The following ASH1L variants were observed in gnomAD, a reference collection of about 807,000 sequenced individuals.
ASH1L encodes the protein histone-lysine N-methyltransferase ASH1L.
A neutral mutation model predicts 269.0 loss-of-function variants in ASH1L; 23 were observed. That is an observed-to-expected ratio of 0.09 (90% confidence interval 0.06 to 0.12). The LOEUF is 0.12. ASH1L is among the 10% of genes least tolerant of loss of function. The pLI, the probability that ASH1L is intolerant of heterozygous loss-of-function variation, is 1.00. For missense variants in ASH1L, 2,912 were observed against 3,567.8 expected (o/e 0.82, Z 4.68); for synonymous variants, 1,187 against 1,253.5 (o/e 0.95, Z 1.12).
intron 3 of ASH1L, among the ~76,000 whole-genome samples, chr1:155,473,960 C>G (rs573152800): frequency 2.6e-5 from 4 of 152,200 alleles, no homozygotes; most frequent in Non-Finnish European, 5.9e-5. Context: ...CTCAGCCTCC[C>G]GAGTAGCTGA....
At chr1:155,496,322 ACC>A in intron 2 of ASH1L, among the ~76,000 whole-genome samples, 1 of 152,242 alleles carries the variant, frequency 6.6e-6, no homozygotes, top group Non-Finnish European at 1.5e-5. Context: ...TTATGGGACC[ACC>A]AAAATGTGAT....
At chr1:155,558,654 T>C (rs1671760937) in intron 1 of ASH1L, among the ~76,000 whole-genome samples, 1 of 150,982 alleles carries the variant, frequency 6.6e-6, no homozygotes, top group African/African-American at 2.5e-5. Flanking sequence ...GTAATTCCCC[T>C]GTCTCAGCCT....
intron 18 of ASH1L, 21 bp downstream of exon 18, chr1:155,349,521 T>G (rs1191668754): frequency 1.2e-6 from 2 of 1,613,806 alleles, no homozygotes; most frequent in Non-Finnish European, 1.7e-6. Flanking sequence ...ACTCAGATGA[T>G]TCCCACAAAT....
chr1:155,479,377 TAGG>T lies in ASH1L; in HGVS notation c.3490_3492del (p.Pro1164del), dbSNP rs764625034. On this transcript the variant is annotated inframe_deletion, in exon 3 of 28. Coordinates refer to ENST00000392403, the MANE Select transcript of ASH1L (RefSeq NM_018489.3). ...TGCGAAGGAGAATTTGGCAACAAAG[TAGG>T]AGGAGATAACCGCCTCCTCCCCTTT... The T allele has an allele frequency of 2.4e-5, 38 of 1,614,010 alleles. No individual in the cohort carries two copies. The highest frequency in any genetic ancestry group is 3.2e-5 in the Non-Finnish European group (38 of 1,180,020).
Position 155,482,157 on chromosome 1 carries a change from T to G in ASH1L, c.713A>C (p.Lys238Thr), listed in dbSNP as rs1263793030. The change falls in exon 3 of 28, where the codon AAG becomes ACG. Residue 238 changes from lysine (K) to threonine (T), a missense_variant. Around this residue, in one of 13 missense-constraint regions of ASH1L, gnomAD observed 277 missense variants for 367.7 expected, o/e 0.75. Transcript: ENST00000392403. ...PPSKSSKTKP[K>T]KLGTGTTAGL... ...TGCTGTAGTGCCAGTTCCTAACTTC[T>G]TCGGTTTTGTCTTGGAAGACTTGGA... 2 of 1,614,214 alleles carry G rather than the reference T, an allele frequency of 1.2e-6. No homozygotes were observed. The highest frequency in any genetic ancestry group is 3.3e-5 in the Admixed American group (2 of 60,020).
chr1:155,425,248 T>G (rs1661039188), intron 5 of ASH1L, among the ~76,000 whole-genome samples: 1 of 150,796 alleles, frequency 6.6e-6, no homozygotes, highest in Non-Finnish European at 1.5e-5. Context: ...GTGCTGGGAT[T>G]ACAGGCATGG....
At chr1:155,485,570 A>G (rs1270464543) in intron 2 of ASH1L, among the ~76,000 whole-genome samples, 1 of 152,254 alleles carries the variant, frequency 6.6e-6, no homozygotes, top group Admixed American at 6.5e-5. Context: ...GATGACTAAC[A>G]GATACATAGA....
In ASH1L at chr1:155,495,358, T is replaced by C. The variant is rs147075326; in HGVS notation, c.421-12909A>G. On this transcript the variant is annotated intron_variant, in intron 2 of 27. Transcript: ENST00000392403. Reference sequence around the variant, plus strand: ...GATATAGCCTGCCACACACCTAAGCTGTATAGAATAACCTATTGCTCCTAG... The same window carrying C: ...GATATAGCCTGCCACACACCTAAGCCGTATAGAATAACCTATTGCTCCTAG... 6.8e-3 allele frequency among the ~76,000 whole-genome samples: 1,041 copies of C among 152,288 alleles called. 8 individuals are homozygous for C. Among genetic ancestry groups the C allele is most frequent in the African/African-American group, 0.024 (991 of 41,542 alleles).
rs1225525650 is a variant in ASH1L at position 155,357,133 on chromosome 1, T to TA, written c.7055+182dup. 1.1e-3 allele frequency among the ~76,000 whole-genome samples: 24 copies of TA among 22,470 alleles called. 1 individual carries two copies. Among genetic ancestry groups the TA allele is most frequent in the African/African-American group, 2.9e-3 (19 of 6,656 alleles). 14.7% of individuals were successfully genotyped at this position (22,470 alleles called of 152,430 possible). A position where few individuals can be genotyped will look rare whatever the true frequency, so the allele number is the denominator to read the frequency against. On this transcript the variant is annotated intron_variant, in intron 15 of 27. Transcript: ENST00000392403. ...CACACACACACAAAAGGGTAAGACT[T>TA]AAAAAAAAAAAAAAAAAAAAAAAAA...
intron 1 of ASH1L, among the ~76,000 whole-genome samples, chr1:155,560,130 C>T (rs561666984): frequency 1.2e-4 from 18 of 152,194 alleles, no homozygotes; most frequent in African/African-American, 4.3e-4. Context: ...TCCACACACC[C>T]GAACAATGAA....
chr1:155,465,398 G>T (rs548016814), intron 3 of ASH1L, among the ~76,000 whole-genome samples: 2 of 145,936 alleles, frequency 1.4e-5, no homozygotes, highest in African/African-American at 2.5e-5. Flanking sequence ...ACTTAATATA[G>T]TATGAATTTT....
At position 155,343,707 on chromosome 1, in the gene ASH1L, T is replaced by C; in HGVS notation, c.8017A>G (p.Thr2673Ala). Residue 2673 changes from threonine to alanine, a missense_variant, in exon 23 of 28, where the codon ACC becomes GCC. Thr to Ala is a moderately conservative substitution (Grantham distance 58). Around this residue, in one of 13 missense-constraint regions of ASH1L, gnomAD observed 179 missense variants for 293.8 expected, o/e 0.61. Coordinates refer to ENST00000392403, the MANE Select transcript of ASH1L (RefSeq NM_018489.3). The surrounding 1 kb of genome is among the most constrained non-coding windows in gnomAD (Gnocchi z 6.1). ...TGACGGACCGGGTGGCCATCAGGGG[T>C]GCGCCGACTATCCCTCATCAGATAC... is the stretch of plus-strand genomic sequence containing the variant. ...CVYLMRDSRR[T>A]PDGHPVRQSY... The C allele has an allele frequency of 6.2e-7, 1 of 1,614,012 alleles. No individual in the cohort carries two copies. The highest frequency in any genetic ancestry group is 1.1e-5 in the South Asian group (1 of 91,070).
intron 6 of ASH1L, among the ~76,000 whole-genome samples, chr1:155,409,428 A>T (rs1430526911): frequency 6.6e-6 from 1 of 152,200 alleles, no homozygotes; most frequent in Non-Finnish European, 1.5e-5. Flanking sequence ...CATAGCCTTA[A>T]ATATCAACCC....
chr1:155,559,962 CTATAT>C (rs1671847728), intron 1 of ASH1L, among the ~76,000 whole-genome samples: 1 of 152,152 alleles, frequency 6.6e-6, no homozygotes. Flanking sequence ...GATACTTGTG[CTATAT>C]TATATTCCCT....
In ASH1L at chr1:155,562,262, C is replaced by G. The variant is rs538225945; in HGVS notation, c.-209G>C. On this transcript the variant is annotated 5_prime_UTR_variant, in exon 1 of 28. Transcript: ENST00000392403. ...TCCCTGGGTCCACGGCGGATCCCTC[C>G]CGCTTGTCAGGAGGCGGCCAGCGGG... 6.2e-7 allele frequency: 1 copy of G among 1,610,114 alleles called. No homozygotes were observed. The highest frequency in any genetic ancestry group is 1.7e-5 in the Admixed American group (1 of 59,912).
intron 4 of ASH1L, among the ~76,000 whole-genome samples, chr1:155,458,593 T>G (rs576966826): frequency 1.2e-4 from 19 of 152,306 alleles, no homozygotes; most frequent in South Asian, 4.1e-4. Flanking sequence ...GGTGGGCACC[T>G]GTAATTCCAG....
intron 6 of ASH1L, among the ~76,000 whole-genome samples, chr1:155,415,103 G>A (rs911177095): frequency 6.6e-6 from 1 of 152,066 alleles, no homozygotes; most frequent in African/African-American, 2.4e-5. Flanking sequence ...CATCATTAGG[G>A]CCAGGCACGG....
chr1:155,416,727 T>A (rs748520861), intron 5 of ASH1L, among the ~76,000 whole-genome samples: 10 of 150,634 alleles, frequency 6.6e-5, no homozygotes, highest in Non-Finnish European at 1.3e-4. Flanking sequence ...GTAGAGACGG[T>A]TTTTAGTTTC....
intron 4 of ASH1L, among the ~76,000 whole-genome samples, chr1:155,453,248 T>G (rs1485903248): frequency 1.3e-5 from 2 of 151,958 alleles, no homozygotes; most frequent in Admixed American, 1.3e-4. Context: ...CCAGCTACTG[T>G]GGAGGTTGAG....
Sources: gnomAD v4.1 joint callset for allele counts (sites outside exome capture counted in the v4.1 genomes callset) on GRCh38, gnomAD v4.1.1 for gene constraint, gnomAD v4.1.1 regional missense constraint, Gnocchi (gnomAD v3.1) non-coding constraint, MANE v1.5 for transcripts, NCBI Gene and HGNC (gene_info 2026-07-23, HGNC 2026-07-21) for gene names.